Variants in PLCB4 observed in about 807,000 individuals in gnomAD.
The protein encoded by PLCB4 is 1-phosphatidylinositol 4,5-bisphosphate phosphodiesterase beta-4.
PLCB4 carries 77 observed loss-of-function variants against 178.8 expected under a neutral mutation model. The ratio of observed to expected loss-of-function variants is 0.43; its 90% CI spans 0.36 to 0.52. PLCB4 has a LOEUF of 0.52. PLCB4 is among the 20% of genes least tolerant of loss of function. The pLI, the probability that PLCB4 is intolerant of heterozygous loss-of-function variation, is 0.00. For synonymous variants in PLCB4, 496 were observed against 490.8 expected (o/e 1.01, Z -0.14); for missense variants, 1,024 against 1,453.4 (o/e 0.70, Z 4.80).
At chr20:9,356,546 A>G (rs1202047766) in intron 7 of PLCB4, among the ~76,000 whole-genome samples, 1 of 152,166 alleles carries the variant, frequency 6.6e-6, no homozygotes, top group Non-Finnish European at 1.5e-5. Context: ...AGCACCTTAT[A>G]AGGAATTCTA....
Position 9,096,272 on chromosome 20 carries a change from A to AT in PLCB4, c.-134-9dup, listed in dbSNP as rs1037608774. 1.4e-4 allele frequency: 22 copies of AT among 152,102 alleles called. No individual in the cohort carries two copies. The highest frequency in any genetic ancestry group is 4.8e-4 in the African/African-American group (20 of 41,436). 9.4% of individuals were successfully genotyped at this position (152,102 alleles called of 1,614,324 possible). A position where few individuals can be genotyped will look rare whatever the true frequency, so the allele number is the denominator to read the frequency against. On this transcript the variant is annotated splice_polypyrimidine_tract_variant and intron_variant, in intron 1 of 39. Transcript: ENST00000378473. ...GTTACTAGTAGGTAGTTTTTCTTCT[A>AT]TTTTTTCTTCACAGGAAAAGACAAT... is the stretch of plus-strand genomic sequence containing the variant.
At chr20:9,395,750 G>C in intron 19 of PLCB4, 132 bp downstream of exon 19, 1 of 592,532 alleles carries the variant, frequency 1.7e-6, no homozygotes, top group South Asian at 1.9e-5. Context: ...GATTGCTTGA[G>C]CCCAGGAGTT....
At chr20:9,154,182 T>C (rs1480943780) in intron 2 of PLCB4, among the ~76,000 whole-genome samples, 6 of 152,146 alleles carry the variant, frequency 3.9e-5, no homozygotes, top group Non-Finnish European at 5.9e-5. Flanking sequence ...GGAATCCTTT[T>C]AGTTGAGGCA....
At chr20:9,185,085 A>G (rs2093310584) in intron 2 of PLCB4, among the ~76,000 whole-genome samples, 1 of 152,014 alleles carries the variant, frequency 6.6e-6, no homozygotes, top group Admixed American at 6.6e-5. Flanking sequence ...ACCATGCCCC[A>G]CTGGTAGGGG....
At chr20:9,094,946 A>T (rs2090841851) in intron 1 of PLCB4, among the ~76,000 whole-genome samples, 1 of 152,152 alleles carries the variant, frequency 6.6e-6, no homozygotes, top group Non-Finnish European at 1.5e-5. Context: ...TCACTATACT[A>T]TATTGGCAGT....
Position 9,338,056 on chromosome 20 carries a change from G to C in PLCB4, c.214G>C (p.Ala72Pro). The C allele has an allele frequency of 6.2e-7, 1 of 1,609,736 alleles. No homozygotes were observed. Among genetic ancestry groups the C allele is most frequent in the Non-Finnish European group, 8.5e-7 (1 of 1,176,328 alleles). Residue 72 changes from alanine to proline, a missense_variant, in exon 6 of 40, where the codon GCC becomes CCC. Coordinates refer to ENST00000378473, the MANE Select transcript of PLCB4 (RefSeq NM_001377142.1). ...CCTCATCAACAGTATTCGGTCGGGA[G>C]CCATACCAAAGGTACCTGTGATTGG... is the stretch of plus-strand genomic sequence containing the variant. ...CSLINSIRSG[A>P]IPKDPKILAA...
chr20:9,191,241 A>G (rs2093398891), intron 2 of PLCB4, among the ~76,000 whole-genome samples: 1 of 152,056 alleles, frequency 6.6e-6, no homozygotes, highest in Non-Finnish European at 1.5e-5. Flanking sequence ...ATACATTGGA[A>G]CTTAAACACT....
chr20:9,200,849 A>G (rs989491036), intron 2 of PLCB4, among the ~76,000 whole-genome samples: 2 of 152,124 alleles, frequency 1.3e-5, no homozygotes, highest in African/African-American at 4.8e-5. Context: ...AGTGGTAACC[A>G]CTACCCCTCC....
intron 2 of PLCB4, among the ~76,000 whole-genome samples, chr20:9,139,738 T>A (rs966628356): frequency 1.4e-4 from 22 of 151,880 alleles, no homozygotes; most frequent in Non-Finnish European, 2.5e-4. Flanking sequence ...AGGCCCAACA[T>A]GTTCCACGTG....
At chr20:9,184,269 C>G (rs192131959) in intron 2 of PLCB4, among the ~76,000 whole-genome samples, 1 of 152,222 alleles carries the variant, frequency 6.6e-6, no homozygotes, top group Admixed American at 6.5e-5. Context: ...TCTTTAGCTT[C>G]TTTTATGGCT....
At chr20:9,217,361 T>C (rs73897308) in intron 2 of PLCB4, 29 bp from the exon 3 acceptor site, 31 of 152,316 alleles carry the variant, frequency 2.0e-4, no homozygotes, top group African/African-American at 7.5e-4. Flanking sequence ...GTCCTTTACA[T>C]CGATTTGTCT....
chr20:9,172,995 A>T (rs1165614686), intron 2 of PLCB4, among the ~76,000 whole-genome samples: 1 of 152,194 alleles, frequency 6.6e-6, no homozygotes, highest in Non-Finnish European at 1.5e-5. Flanking sequence ...CTAGAATATA[A>T]GAAAAATCTC....
intron 2 of PLCB4, among the ~76,000 whole-genome samples, chr20:9,107,398 G>A (rs748668166): frequency 1.3e-5 from 2 of 152,162 alleles, no homozygotes; most frequent in Non-Finnish European, 2.9e-5. Flanking sequence ...GGAGCAGAGG[G>A]TGTGTTGTCA....
chr20:9,162,499 A>G (rs1012934326), intron 2 of PLCB4, among the ~76,000 whole-genome samples: 1 of 152,176 alleles, frequency 6.6e-6, no homozygotes, highest in African/African-American at 2.4e-5. Flanking sequence ...AACAGATTCA[A>G]TATGCTATTC....
chr20:9,257,144 G>A (rs2094244329), intron 3 of PLCB4, among the ~76,000 whole-genome samples: 4 of 152,066 alleles, frequency 2.6e-5, no homozygotes, highest in South Asian at 4.2e-4. Context: ...TGAATATCTT[G>A]GGATACTTCC....
At chr20:9,463,823 T>C (rs1007574148) in intron 35 of PLCB4, among the ~76,000 whole-genome samples, 3 of 151,938 alleles carry the variant, frequency 2.0e-5, no homozygotes, top group African/African-American at 7.3e-5. Context: ...TCCCACATAA[T>C]AATAATGGGA....
rs1006457561 is a variant in PLCB4, at chr20:9,462,935, C to T, written c.3248+3125C>T. 3.3e-5 allele frequency among the ~76,000 whole-genome samples: 5 copies of T among 152,210 alleles called. No homozygotes were observed. The East Asian group carries it at 5.8e-4, about 18-fold the overall frequency. Reference sequence around the variant, plus strand: ...CAGAGAACACCGCAAAGATACTCCTCGAGAAGAGCAACCCTAAGACACATA... The same window carrying T: ...CAGAGAACACCGCAAAGATACTCCTTGAGAAGAGCAACCCTAAGACACATA... On this transcript the variant is annotated intron_variant, in intron 35 of 39. Transcript: ENST00000378473.
intron 2 of PLCB4, among the ~76,000 whole-genome samples, chr20:9,146,510 G>A (rs764402689): frequency 5.3e-5 from 8 of 152,136 alleles, no homozygotes; most frequent in Admixed American, 1.3e-4. Context: ...GAATTTATTC[G>A]TGTAGATAGT....
chr20:9,241,029 A>G (rs969570391), intron 3 of PLCB4, among the ~76,000 whole-genome samples: 2 of 152,164 alleles, frequency 1.3e-5, no homozygotes, highest in African/African-American at 2.4e-5. Context: ...TCTGTCTCCA[A>G]TGGTTTAGAA....
Sources: gnomAD v4.1 joint callset for allele counts (sites outside exome capture counted in the v4.1 genomes callset) on GRCh38, gnomAD v4.1.1 for gene constraint, MANE v1.5 for transcripts, NCBI Gene and HGNC (gene_info 2026-07-23, HGNC 2026-07-21) for gene names.